The following KHDRBS2 variants were observed in gnomAD, a reference collection of about 807,000 sequenced individuals.
KHDRBS2 encodes KH domain-containing, RNA-binding, signal transduction-associated protein 2.
A neutral mutation model predicts 44.3 loss-of-function variants in KHDRBS2; 26 were observed. The observed-to-expected ratio is 0.59, with a 90% CI of 0.43 to 0.81. KHDRBS2 has a LOEUF of 0.81. KHDRBS2 is among the 40% of genes least tolerant of loss of function. KHDRBS2 has a pLI of 0.00. For missense variants in KHDRBS2, 476 were observed against 433.1 expected (o/e 1.10, Z -0.88); for synonymous variants, 194 against 151.1 (o/e 1.28, Z -2.08).
At chr6:61,554,796 G>A in the KHDRBS2 span, among the ~76,000 whole-genome samples, 1 of 152,050 alleles carries the variant, frequency 6.6e-6, no homozygotes, top group Non-Finnish European at 1.5e-5. Context: ...CAAAATTCTT[G>A]GTCAGAAATT....
intron 2 of KHDRBS2, among the ~76,000 whole-genome samples, chr6:62,150,576 A>T (rs1355637656): frequency 1.3e-5 from 2 of 152,130 alleles, no homozygotes; most frequent in Non-Finnish European, 2.9e-5. Flanking sequence ...ATAATGTTTT[A>T]TTTTCTTTCT....
At chr6:62,229,743 A>C (rs1832588816) in intron 1 of KHDRBS2, among the ~76,000 whole-genome samples, 1 of 151,958 alleles carries the variant, frequency 6.6e-6, no homozygotes. Context: ...GCTGGGGGGT[A>C]GGGGCTCCCC....
At chr6:61,677,529 G>A (rs1766012496), downstream of KHDRBS2, among the ~76,000 whole-genome samples, 1 of 151,830 alleles carries the variant, frequency 6.6e-6, no homozygotes, top group African/African-American at 2.4e-5. Flanking sequence ...TCAGGTGAAG[G>A]GGCAGTTAGT....
At chr6:61,945,110 A>ATATATGT (rs1414544846) in intron 4 of KHDRBS2, among the ~76,000 whole-genome samples, 2 of 46,274 alleles carry the variant, frequency 4.3e-5, no homozygotes, top group East Asian at 4.4e-4. Flanking sequence ...AAAAAAAAAA[A>ATATATGT]AAGTATATAT....
the KHDRBS2 span, among the ~76,000 whole-genome samples, chr6:61,563,964 A>G: frequency 6.6e-6 from 1 of 152,228 alleles, no homozygotes; most frequent in Admixed American, 6.5e-5. Flanking sequence ...GACCTTGGAC[A>G]GTTTATTAGT....
At chr6:61,894,575 G>C in intron 6 of KHDRBS2, 60 bp downstream of exon 6, 1 of 1,359,758 alleles carries the variant, frequency 7.4e-7, no homozygotes, top group Non-Finnish European at 1.0e-6. Flanking sequence ...AGTTTGAGAC[G>C]TAGCTTGTTA....
chr6:61,546,899 C>CATT, the KHDRBS2 span, among the ~76,000 whole-genome samples: 1 of 151,890 alleles, frequency 6.6e-6, no homozygotes, highest in African/African-American at 2.4e-5. Flanking sequence ...ATTCATTCAT[C>CATT]CATTTTCCAA....
At chr6:62,090,335 C>T (rs760412567) in intron 2 of KHDRBS2, among the ~76,000 whole-genome samples, 2 of 152,136 alleles carry the variant, frequency 1.3e-5, no homozygotes, top group South Asian at 2.1e-4. Flanking sequence ...TAAAGACAGA[C>T]AAGTTTGTCT....
At chr6:61,868,190 G>T (rs1798062154) in intron 6 of KHDRBS2, among the ~76,000 whole-genome samples, 1 of 152,096 alleles carries the variant, frequency 6.6e-6, no homozygotes, top group Non-Finnish European at 1.5e-5. Context: ...ATGGAATAGG[G>T]TCCCATTTAA....
At chr6:62,050,470 GCAAA>G (rs1788757919) in intron 2 of KHDRBS2, among the ~76,000 whole-genome samples, 4 of 150,998 alleles carry the variant, frequency 2.6e-5, no homozygotes, top group East Asian at 2.0e-4. Flanking sequence ...CCCTACTGAT[GCAAA>G]CACTCATTAA....
chr6:62,018,297 ATATGTG>A (rs1327365477), intron 3 of KHDRBS2, among the ~76,000 whole-genome samples: 45 of 138,538 alleles, frequency 3.2e-4, no homozygotes, highest in African/African-American at 1.1e-3. Flanking sequence ...CTATATATAT[ATATGTG>A]TGTGTGTGTG....
At chr6:61,821,479 T>A (rs902581208) in intron 6 of KHDRBS2, among the ~76,000 whole-genome samples, 2 of 152,018 alleles carry the variant, frequency 1.3e-5, no homozygotes, top group African/African-American at 4.8e-5. Flanking sequence ...AACATTTTAA[T>A]GCTAATGCAC....
At chr6:61,839,845 A>G (rs1363208393) in intron 6 of KHDRBS2, among the ~76,000 whole-genome samples, 2 of 152,114 alleles carry the variant, frequency 1.3e-5, no homozygotes, top group East Asian at 3.8e-4. Context: ...GTAAGAAAGA[A>G]ATATGAAGGA....
chr6:61,616,412 TATGCTAAG>T, the KHDRBS2 span, among the ~76,000 whole-genome samples: 12 of 151,648 alleles, frequency 7.9e-5, no homozygotes, highest in Non-Finnish European at 1.6e-4. Context: ...GGGATGACCC[TATGCTAAG>T]ATGCTAAGAA....
chr6:61,974,392 TTATAGAA>T (rs113632748), intron 4 of KHDRBS2, among the ~76,000 whole-genome samples: 9,205 of 152,212 alleles, frequency 0.06, 342 homozygotes, highest in East Asian at 0.16. Context: ...GCTTACCTCT[TTATAGAA>T]TATAAAGAGA....
intron 1 of KHDRBS2, among the ~76,000 whole-genome samples, chr6:62,221,065 G>A (rs189445389): frequency 1.9e-4 from 29 of 151,516 alleles, no homozygotes; most frequent in African/African-American, 5.6e-4. Flanking sequence ...AAAGCAATAC[G>A]TGTCCACTGA....
chr6:61,692,761 G>A (rs1166514430), intron 8 of KHDRBS2, among the ~76,000 whole-genome samples: 1 of 152,086 alleles, frequency 6.6e-6, no homozygotes, highest in Non-Finnish European at 1.5e-5. Context: ...TTGGAATGCA[G>A]AACCCTGCCA....
intron 6 of KHDRBS2, among the ~76,000 whole-genome samples, chr6:61,876,159 T>C (rs759324299): frequency 1.3e-5 from 2 of 152,068 alleles, no homozygotes; most frequent in Admixed American, 6.6e-5. Context: ...AATTCAGTTG[T>C]TCCCTCTATG....
At chr6:62,044,644 A>G (rs905747377) in intron 3 of KHDRBS2, among the ~76,000 whole-genome samples, 8 of 152,092 alleles carry the variant, frequency 5.3e-5, no homozygotes, top group Non-Finnish European at 1.2e-4. Context: ...CTGCAAAGTC[A>G]CCTATCTATG....
Sources: gnomAD v4.1 joint callset for allele counts (sites outside exome capture counted in the v4.1 genomes callset) on GRCh38, gnomAD v4.1.1 for gene constraint, MANE v1.5 for transcripts, NCBI Gene and HGNC (gene_info 2026-07-23, HGNC 2026-07-21) for gene names.